Variants in RAD51B observed in about 807,000 individuals in gnomAD.
RAD51B encodes the protein RAD51 paralog B, also known as DNA repair protein RAD51 homolog 2.
In RAD51B, 38 loss-of-function variants were observed where a neutral mutation model predicts 42.2. The ratio of observed to expected loss-of-function variants is 0.90; its 90% CI spans 0.70 to 1.18. RAD51B has a LOEUF of 1.18. Among genes scored for constraint, RAD51B ranks in the 50% most tolerant of loss-of-function variants. RAD51B has a pLI of 0.00. For missense variants in RAD51B, 373 were observed against 400.7 expected, an observed-to-expected ratio of 0.93 and a Z score of 0.59; for synonymous variants, 154 against 145.2, an observed-to-expected ratio of 1.06 and a Z score of -0.43.
intron 7 of RAD51B, among the ~76,000 whole-genome samples, chr14:67,964,392 A>G (rs901961163): frequency 6.6e-6 from 1 of 152,236 alleles, no homozygotes; most frequent in Non-Finnish European, 1.5e-5. Flanking sequence ...GCAGCTCCAA[A>G]GTGTGTGCAC....
chr14:68,104,207 G>A (rs145976168), intron 7 of RAD51B, among the ~76,000 whole-genome samples: 264 of 152,242 alleles, frequency 1.7e-3, no homozygotes, highest in African/African-American at 6.1e-3. Context: ...TTAAGGGGTA[G>A]TTTCTATTTC....
intron 7 of RAD51B, among the ~76,000 whole-genome samples, chr14:68,122,731 A>T (rs942069883): frequency 1.3e-5 from 2 of 152,232 alleles, no homozygotes; most frequent in East Asian, 3.8e-4. Context: ...TGACTGACAT[A>T]AGTATAGTTA....
intron 7 of RAD51B, among the ~76,000 whole-genome samples, chr14:67,910,487 A>G (rs2043940774): frequency 6.6e-6 from 1 of 150,814 alleles, no homozygotes; most frequent in Admixed American, 6.6e-5. Flanking sequence ...TGTAAAAGTG[A>G]ACTATATGTT....
chr14:67,853,049 A>G (rs1204918238), intron 4 of RAD51B, among the ~76,000 whole-genome samples: 1 of 152,192 alleles, frequency 6.6e-6, no homozygotes, highest in Non-Finnish European at 1.5e-5. Flanking sequence ...TTAAAACCCA[A>G]GAAGGACTCA....
At chr14:68,680,957 A>T (rs1893416015) in intron 11 of RAD51B, among the ~76,000 whole-genome samples, 2 of 151,954 alleles carry the variant, frequency 1.3e-5, no homozygotes. Context: ...AAGCCAAGGC[A>T]AAAAAATAAC....
intron 7 of RAD51B, among the ~76,000 whole-genome samples, chr14:68,215,821 C>G (rs1394558760): frequency 1.3e-5 from 2 of 152,152 alleles, no homozygotes; most frequent in Non-Finnish European, 2.9e-5. Context: ...AAAGAGGAAA[C>G]AAATGAAAGC....
chr14:67,838,238 C>G (rs1316629440), intron 4 of RAD51B, among the ~76,000 whole-genome samples: 1 of 152,052 alleles, frequency 6.6e-6, no homozygotes, highest in East Asian at 1.9e-4. Context: ...GTGAATAGTG[C>G]TGCAATAAAA....
intron 7 of RAD51B, among the ~76,000 whole-genome samples, chr14:68,007,900 T>TA (rs1457038697): frequency 1.3e-5 from 2 of 151,928 alleles, no homozygotes; most frequent in Non-Finnish European, 2.9e-5. Flanking sequence ...TAGCTAATAG[T>TA]AAAAAAATAA....
At chr14:68,293,353 A>G (rs1008096552) in intron 8 of RAD51B, among the ~76,000 whole-genome samples, 1 of 152,146 alleles carries the variant, frequency 6.6e-6, no homozygotes, top group Non-Finnish European at 1.5e-5. Context: ...AGCCATGGTG[A>G]AAGTATTTAT....
intron 10 of RAD51B, among the ~76,000 whole-genome samples, chr14:68,591,582 C>A (rs1191417786): frequency 6.6e-6 from 1 of 152,210 alleles, no homozygotes; most frequent in African/African-American, 2.4e-5. Context: ...TGCTCTTCTT[C>A]CCTGGGCCTC....
At chr14:67,964,134 G>A (rs564857246) in intron 7 of RAD51B, among the ~76,000 whole-genome samples, 1 of 151,572 alleles carries the variant, frequency 6.6e-6, no homozygotes, top group African/African-American at 2.4e-5. Flanking sequence ...CAATTTTATT[G>A]TACTCATGTC....
At chr14:67,937,660 T>C (rs2045005990) in intron 7 of RAD51B, among the ~76,000 whole-genome samples, 1 of 152,150 alleles carries the variant, frequency 6.6e-6, no homozygotes, top group African/African-American at 2.4e-5. Context: ...ATTGAGCAGG[T>C]AGACTGTGTT....
chr14:68,271,540 G>A (rs1035671402), intron 7 of RAD51B, among the ~76,000 whole-genome samples: 10 of 152,156 alleles, frequency 6.6e-5, no homozygotes, highest in Non-Finnish European at 1.5e-4. Context: ...ATACAGCATG[G>A]TAGGTAAGAA....
intron 8 of RAD51B, among the ~76,000 whole-genome samples, chr14:68,330,301 T>C (rs1173743055): frequency 6.6e-6 from 1 of 152,100 alleles, no homozygotes; most frequent in East Asian, 1.9e-4. Flanking sequence ...AGGAAGAAAA[T>C]AAATGGTGTT....
chr14:68,085,381 A>ATCT (rs1385824584), intron 7 of RAD51B, among the ~76,000 whole-genome samples: 2 of 152,162 alleles, frequency 1.3e-5, no homozygotes, highest in Non-Finnish European at 2.9e-5. Context: ...CATAGAGAAG[A>ATCT]GGGCCTAGTA....
intron 10 of RAD51B, among the ~76,000 whole-genome samples, chr14:68,506,902 T>C (rs965422089): frequency 2.0e-5 from 3 of 152,150 alleles, no homozygotes; most frequent in Non-Finnish European, 4.4e-5. Context: ...GTGAACATTC[T>C]CAGTTAGAAA....
At chr14:68,263,642 G>A (rs1408196137) in intron 7 of RAD51B, among the ~76,000 whole-genome samples, 2 of 152,100 alleles carry the variant, frequency 1.3e-5, no homozygotes, top group Admixed American at 6.5e-5. Context: ...AACACACAAA[G>A]CTACACTTTT....
chr14:68,146,613 C>A (rs561164192), intron 7 of RAD51B, among the ~76,000 whole-genome samples: 1 of 152,224 alleles, frequency 6.6e-6, no homozygotes, highest in East Asian at 1.9e-4. Flanking sequence ...AGGACCCTGG[C>A]TTAGGTTTTA....
intron 10 of RAD51B, among the ~76,000 whole-genome samples, chr14:68,636,756 A>C (rs531680447): frequency 8.8e-4 from 134 of 152,312 alleles, no homozygotes; most frequent in African/African-American, 3.2e-3. Context: ...TGAAGCAGAC[A>C]TGCCCAGCGC....
Sources: gnomAD v4.1 joint callset for allele counts (sites outside exome capture counted in the v4.1 genomes callset) on GRCh38, gnomAD v4.1.1 for gene constraint, MANE v1.5 for transcripts, NCBI Gene and HGNC (gene_info 2026-07-23, HGNC 2026-07-21) for gene names.